LTBP1: variants seen among roughly 807,000 people sequenced by gnomAD.
The protein encoded by LTBP1 is latent transforming growth factor beta binding protein 1.
In LTBP1, 129 loss-of-function variants were observed where a neutral mutation model predicts 207.6. That is an observed-to-expected ratio of 0.62 (90% CI 0.54 to 0.72). LTBP1 has a LOEUF of 0.72. LTBP1 is among the 30% of genes least tolerant of loss of function. The pLI is 0.00. For missense variants in LTBP1, 2,281 were observed against 2,217.2 expected (o/e 1.03, Z -0.58); for synonymous variants, 963 against 833.7 (o/e 1.16, Z -2.67).
intron 5 of LTBP1, among the ~76,000 whole-genome samples, chr2:33,181,122 G>C (rs1017506299): frequency 2.6e-5 from 4 of 152,180 alleles, no homozygotes; most frequent in African/African-American, 9.7e-5. Flanking sequence ...GGAGCGGGTG[G>C]AGTGGCCAGG....
At chr2:33,194,372 C>T (rs1381586081) in intron 7 of LTBP1, among the ~76,000 whole-genome samples, 1 of 152,092 alleles carries the variant, frequency 6.6e-6, no homozygotes, top group South Asian at 2.1e-4. Flanking sequence ...AAAGCTAGGC[C>T]TTTGCATCAG....
chr2:33,085,048 T>G (rs1363496654), intron 3 of LTBP1, among the ~76,000 whole-genome samples: 1 of 152,196 alleles, frequency 6.6e-6, no homozygotes, highest in Non-Finnish European at 1.5e-5. Context: ...GCAAGTGCCC[T>G]TAGAAGACAC....
chr2:33,257,543 C>T (rs761014817), intron 12 of LTBP1, 32 bp downstream of exon 12: 103 of 1,545,746 alleles, frequency 6.7e-5, no homozygotes, highest in Non-Finnish European at 9.1e-5. Flanking sequence ...GGACTCTAGA[C>T]ATCTATCTGT....
chr2:33,382,456 C>T (rs995542421), intron 31 of LTBP1, among the ~76,000 whole-genome samples: 5 of 152,120 alleles, frequency 3.3e-5, no homozygotes, highest in Admixed American at 2.0e-4. Context: ...AGTTACCTTC[C>T]TTCCTCTTCT....
At chr2:33,329,403 A>C (rs1033100200) in intron 24 of LTBP1, among the ~76,000 whole-genome samples, 1 of 151,022 alleles carries the variant, frequency 6.6e-6, no homozygotes, top group African/African-American at 2.5e-5. Flanking sequence ...TGTTAATTTT[A>C]ATGAAGTCCA....
intron 5 of LTBP1, among the ~76,000 whole-genome samples, chr2:33,169,738 G>A (rs1474452421): frequency 6.6e-6 from 1 of 152,082 alleles, no homozygotes; most frequent in African/African-American, 2.4e-5. Context: ...AAGACAAATA[G>A]AATCTTAAAG....
At chr2:33,180,694 G>C (rs2086535899) in intron 5 of LTBP1, among the ~76,000 whole-genome samples, 1 of 152,102 alleles carries the variant, frequency 6.6e-6, no homozygotes, top group Non-Finnish European at 1.5e-5. Flanking sequence ...GGCCTTAAGT[G>C]ATCTGCCTGC....
rs1281102998 is a variant in LTBP1, at chr2:33,252,848, A to G, written c.2167+4A>G. The G allele has an allele frequency of 6.3e-7, 1 of 1,597,916 alleles. No homozygotes were observed. The highest frequency in any genetic ancestry group is 8.6e-7 in the Non-Finnish European group (1 of 1,168,560). On this transcript the variant is annotated splice_donor_region_variant and intron_variant, in intron 11 of 33. Transcript: ENST00000404816. ...AAATGTCCCCTTCCAGGCACAGGTA[A>G]GACATGCCCAGCTGTATGCGCACAT...
intron 3 of LTBP1, among the ~76,000 whole-genome samples, chr2:33,038,348 G>A (rs2076025455): frequency 6.6e-6 from 1 of 152,158 alleles, no homozygotes; most frequent in South Asian, 2.1e-4. Flanking sequence ...TAACACGAGG[G>A]TTTCTGATCT....
chr2:33,257,890 A>G (rs2092906763), intron 12 of LTBP1, among the ~76,000 whole-genome samples: 1 of 152,244 alleles, frequency 6.6e-6, no homozygotes, highest in African/African-American at 2.4e-5. Context: ...AGACTTTCAA[A>G]AAGTTAAAGC....
At chr2:33,376,354 A>G (rs543824614) in intron 31 of LTBP1, among the ~76,000 whole-genome samples, 3 of 152,350 alleles carry the variant, frequency 2.0e-5, no homozygotes, top group African/African-American at 7.2e-5. Context: ...CCCTCACCCT[A>G]AGACGTGTCA....
chr2:33,205,881 A>G (rs1409387247), intron 7 of LTBP1, among the ~76,000 whole-genome samples: 1 of 152,178 alleles, frequency 6.6e-6, no homozygotes, highest in Non-Finnish European at 1.5e-5. Flanking sequence ...ACACACTTGC[A>G]CAAAGAAGAG....
intron 2 of LTBP1, among the ~76,000 whole-genome samples, chr2:33,008,376 G>C (rs1687215601): frequency 6.6e-6 from 1 of 152,138 alleles, no homozygotes; most frequent in Non-Finnish European, 1.5e-5. Flanking sequence ...ATTTAAGTAT[G>C]TTTAAAGTAG....
At chr2:33,079,097 A>C (rs1420107513) in intron 3 of LTBP1, among the ~76,000 whole-genome samples, 2 of 151,588 alleles carry the variant, frequency 1.3e-5, no homozygotes, top group African/African-American at 4.8e-5. Flanking sequence ...TTATCCTGTT[A>C]ATTTTATTTT....
At chr2:32,988,918 C>G (rs1480362532) in intron 2 of LTBP1, among the ~76,000 whole-genome samples, 1 of 148,144 alleles carries the variant, frequency 6.8e-6, no homozygotes, top group African/African-American at 2.5e-5. Flanking sequence ...ATAATTTATC[C>G]TAAATGCTTA....
intron 33 of LTBP1, 61 bp from the exon 34 acceptor site, chr2:33,398,303 T>C: frequency 4.0e-6 from 6 of 1,515,970 alleles, no homozygotes; most frequent in Non-Finnish European, 5.4e-6. Flanking sequence ...AAGCCTCAGG[T>C]TATGTGTCCT....
intron 15 of LTBP1, among the ~76,000 whole-genome samples, chr2:33,271,090 C>T (rs184940978): frequency 5.3e-5 from 8 of 152,186 alleles, no homozygotes; most frequent in Admixed American, 2.6e-4. Flanking sequence ...TTTAATTAAG[C>T]ATCACATATA....
rs1487624297 is a variant in LTBP1 at position 33,257,343 on chromosome 2, C to T, written c.2227C>T (p.Arg743Cys). 3.1e-6 allele frequency: 5 copies of T among 1,614,070 alleles called. No individual in the cohort carries two copies. Among genetic ancestry groups the T allele is most frequent in the Non-Finnish European group, 4.2e-6 (5 of 1,180,040 alleles). ...TTATACGGTTTCTGGCGTTCATAGA[C>T]GCAGGCCAATCCATCACCATGTAGG... ...MGYTVSGVHRRRPIHHHVGKG... is the reference protein window; with the variant it reads ...MGYTVSGVHRCRPIHHHVGKG... The change falls in exon 12 of 34, where the codon CGC (arginine) becomes TGC (cysteine). Residue 743 changes from arginine to cysteine, a missense_variant. Coordinates refer to ENST00000404816, the MANE Select transcript of LTBP1 (RefSeq NM_206943.4).
chr2:32,949,748 T>C (rs1676820544), intron 2 of LTBP1, among the ~76,000 whole-genome samples: 1 of 152,228 alleles, frequency 6.6e-6, no homozygotes, highest in Admixed American at 6.5e-5. Flanking sequence ...GGCATTCCCA[T>C]GTGGATTGGA....
Sources: allele counts gnomAD v4.1 joint callset (sites outside exome capture counted in the v4.1 genomes callset), GRCh38; gene constraint gnomAD v4.1.1; transcripts MANE v1.5; gene names NCBI Gene and HGNC (gene_info 2026-07-23, HGNC 2026-07-21).